Variants in TCF20 observed in about 807,000 individuals in gnomAD.
The protein encoded by TCF20 is SPRE-binding protein.
A neutral mutation model predicts 148.6 loss-of-function variants in TCF20; 3 were observed. The observed-to-expected ratio is 0.02, with a 90% CI of 0.01 to 0.05. TCF20 has a LOEUF of 0.05. Ranked by LOEUF, TCF20 falls within the 10% of genes least tolerant of loss-of-function variation. TCF20 has a pLI of 1.00. For synonymous variants in TCF20, 1,049 were observed against 909.5 expected (o/e 1.15, Z -2.76); for missense variants, 2,350 against 2,429.3 (o/e 0.97, Z 0.69).
chr22:42,331,851 C>A (rs1927981400), intron 1 of TCF20, among the ~76,000 whole-genome samples: 1 of 152,224 alleles, frequency 6.6e-6, no homozygotes, highest in African/African-American at 2.4e-5. Context: ...CATTTGACAA[C>A]TGGGGAAAAT....
intron 1 of TCF20, among the ~76,000 whole-genome samples, chr22:42,236,256 C>A (rs1293377082): frequency 6.6e-6 from 1 of 151,328 alleles, no homozygotes; most frequent in African/African-American, 2.5e-5. Flanking sequence ...ATCAAACAAA[C>A]AAAATAAACC....
intron 1 of TCF20, among the ~76,000 whole-genome samples, chr22:42,246,793 C>T (rs1258929215): frequency 6.6e-6 from 1 of 151,568 alleles, no homozygotes; most frequent in Non-Finnish European, 1.5e-5. Flanking sequence ...TGGTGAAACG[C>T]CATCTCTACC....
At chr22:42,232,084 C>T (rs1923469759) in intron 1 of TCF20, among the ~76,000 whole-genome samples, 1 of 152,088 alleles carries the variant, frequency 6.6e-6, no homozygotes, top group South Asian at 2.1e-4. Context: ...ATTCACCATT[C>T]ACTCACTGAC....
chr22:42,247,409 CA>C (rs1225653220), intron 1 of TCF20, among the ~76,000 whole-genome samples: 1 of 141,120 alleles, frequency 7.1e-6, no homozygotes, highest in Non-Finnish European at 1.5e-5. Context: ...CACTGCACTC[CA>C]GCCTGGGTGA....
intron 1 of TCF20, among the ~76,000 whole-genome samples, chr22:42,322,290 T>G (rs1357772761): frequency 6.6e-6 from 1 of 151,756 alleles, no homozygotes; most frequent in Admixed American, 6.6e-5. Context: ...ACTCAGAAGA[T>G]GTATAAGAGG....
At position 42,211,202 on chromosome 22, in the gene TCF20, T is replaced by C. The variant is rs1987229993; in HGVS notation, c.4104A>G (p.Ala1368=). The C allele has an allele frequency of 1.2e-6, 2 of 1,614,134 alleles. No individual in the cohort carries two copies. Among genetic ancestry groups the C allele is most frequent in the Non-Finnish European group, 1.7e-6 (2 of 1,180,030 alleles). The change falls in exon 2 of 6, where the codon GCA becomes GCG. Residue 1368 remains alanine, a synonymous_variant. Transcript: ENST00000677622. ...CCCCAGCCTCCGCACTGTTCGAAGATGCGCTCCTCCTAATATTTGGGGATG... is the reference window on the plus strand; with the variant it reads ...CCCCAGCCTCCGCACTGTTCGAAGACGCGCTCCTCCTAATATTTGGGGATG... ...KITSPNIRRS[A]SSNSAEAGGD...
chr22:42,199,704 T>TAC (rs1569132057), intron 2 of TCF20, among the ~76,000 whole-genome samples: 4 of 14,978 alleles, frequency 2.7e-4, no homozygotes, highest in Non-Finnish European at 4.4e-4. Flanking sequence ...ACCCCATCTC[T>TAC]ACAAAAAAAA....
At chr22:42,230,642 C>A (rs1601629255) in intron 1 of TCF20, among the ~76,000 whole-genome samples, 3 of 147,074 alleles carry the variant, frequency 2.0e-5, no homozygotes, top group Non-Finnish European at 3.0e-5. Context: ...GAGACTGTCT[C>A]AAAAAAAAAA....
intron 1 of TCF20, among the ~76,000 whole-genome samples, chr22:42,238,217 G>C (rs571848701): frequency 2.0e-5 from 3 of 152,324 alleles, no homozygotes; most frequent in Admixed American, 2.0e-4. Flanking sequence ...TAATGTTACA[G>C]AGATGGTTTC....
chr22:42,328,818 C>T (rs905549264), intron 1 of TCF20, among the ~76,000 whole-genome samples: 2 of 152,220 alleles, frequency 1.3e-5, no homozygotes, highest in African/African-American at 4.8e-5. Context: ...GGGGGGAAAG[C>T]CCCCACCCCA....
intron 1 of TCF20, among the ~76,000 whole-genome samples, chr22:42,217,365 T>C (rs979806787): frequency 9.9e-5 from 15 of 152,202 alleles, no homozygotes; most frequent in Non-Finnish European, 2.1e-4. Context: ...CATTCCCTGG[T>C]CATTCTAGTA....
chr22:42,172,488 C>A (rs951323882), intron 3 of TCF20, among the ~76,000 whole-genome samples: 1 of 152,196 alleles, frequency 6.6e-6, no homozygotes, highest in African/African-American at 2.4e-5. Flanking sequence ...AAACAGCTTG[C>A]GAGATCATCA....
chr22:42,201,450 G>A (rs1478677293), intron 2 of TCF20, among the ~76,000 whole-genome samples: 2 of 152,074 alleles, frequency 1.3e-5, no homozygotes, highest in African/African-American at 4.8e-5. Context: ...TTTTAGTGCT[G>A]ACATGTTAAA....
At chr22:42,282,295 G>A (rs1926918642) in intron 1 of TCF20, among the ~76,000 whole-genome samples, 1 of 152,198 alleles carries the variant, frequency 6.6e-6, no homozygotes, top group South Asian at 2.1e-4. Flanking sequence ...GAGGCCTGCT[G>A]TAAACACACT....
At chr22:42,291,385 C>T (rs9623552) in intron 1 of TCF20, among the ~76,000 whole-genome samples, 201 of 152,218 alleles carry the variant, frequency 1.3e-3, no homozygotes, top group African/African-American at 4.6e-3. Flanking sequence ...GTGTGTGGAG[C>T]GGCAAAGGAA....
intron 2 of TCF20, among the ~76,000 whole-genome samples, chr22:42,208,351 G>C (rs1201776391): frequency 6.6e-6 from 1 of 152,204 alleles, no homozygotes; most frequent in Non-Finnish European, 1.5e-5. Flanking sequence ...TGGGCACTGT[G>C]GCTTGTGGCA....
At chr22:42,215,689 T>C (rs1921694964) in intron 1 of TCF20, among the ~76,000 whole-genome samples, 1 of 152,140 alleles carries the variant, frequency 6.6e-6, no homozygotes, top group Non-Finnish European at 1.5e-5. Context: ...GCCAGGCTGG[T>C]CTCGAACTCC....
chr22:42,219,221 G>C (rs1247247854), intron 1 of TCF20, among the ~76,000 whole-genome samples: 1 of 151,198 alleles, frequency 6.6e-6, no homozygotes, highest in Non-Finnish European at 1.5e-5. Context: ...AATGCACAGT[G>C]TCATGAGGTG....
chr22:42,304,395 C>T (rs1434845986), intron 1 of TCF20, among the ~76,000 whole-genome samples: 8 of 152,164 alleles, frequency 5.3e-5, no homozygotes, highest in South Asian at 2.1e-4. Flanking sequence ...GACTCCTGGA[C>T]GCATGCTGGG....
Sources: gnomAD v4.1 joint callset for allele counts (sites outside exome capture counted in the v4.1 genomes callset) on GRCh38, gnomAD v4.1.1 for gene constraint, MANE v1.5 for transcripts, NCBI Gene and HGNC (gene_info 2026-07-23, HGNC 2026-07-21) for gene names.